Variants in CNBD1 observed in about 807,000 individuals in gnomAD.
The protein encoded by CNBD1 is cyclic nucleotide binding domain containing 1.
In CNBD1, 71 loss-of-function variants were observed where a neutral mutation model predicts 54.4. That is an observed-to-expected ratio of 1.30 (90% CI 1.08 to 1.59). The LOEUF (loss-of-function observed/expected upper bound fraction) is 1.59, where lower values mean the gene tolerates loss of function less well. Ranked by LOEUF, CNBD1 falls within the 40% of genes most tolerant of loss-of-function variation. The pLI is 0.00. For synonymous variants in CNBD1, 182 were observed against 170.7 expected, an observed-to-expected ratio of 1.07 and a Z score of -0.51; for missense variants, 659 against 518.0, an observed-to-expected ratio of 1.27 and a Z score of -2.64.
rs142754582 is a variant in CNBD1, at chr8:87,112,704, A to G, written c.432-93289A>G. Among the ~76,000 whole-genome samples, 44 of 152,314 alleles carry G rather than the reference A, an allele frequency of 2.9e-4. 1 individual carries two copies. Among genetic ancestry groups the G allele is most frequent in the African/African-American group, 8.7e-4 (36 of 41,548 alleles). On this transcript the variant is annotated intron_variant, in intron 4 of 10. Transcript: ENST00000518476. ...ATCTTGTATCATCCATCACAGGTGAACATTTCAGCAATTGTCCTGCTTCAT... is the reference window on the plus strand; with the variant it reads ...ATCTTGTATCATCCATCACAGGTGAGCATTTCAGCAATTGTCCTGCTTCAT...
chr8:86,902,218 TGTAG>T (rs954811092), intron 2 of CNBD1, among the ~76,000 whole-genome samples: 3 of 152,248 alleles, frequency 2.0e-5, no homozygotes, highest in African/African-American at 7.2e-5. Flanking sequence ...CAACCTCCCT[TGTAG>T]TTAGAGAGAC....
At chr8:87,117,274 C>T (rs761877184) in intron 4 of CNBD1, among the ~76,000 whole-genome samples, 8 of 151,700 alleles carry the variant, frequency 5.3e-5, no homozygotes, top group Non-Finnish European at 1.0e-4. Flanking sequence ...TAGCAGGTGC[C>T]TATAATCCCA....
chr8:87,381,044 C>T (rs1334322916), intron 10 of CNBD1, among the ~76,000 whole-genome samples: 1 of 151,982 alleles, frequency 6.6e-6, no homozygotes, highest in Admixed American at 6.6e-5. Flanking sequence ...AGTGAGACCA[C>T]ATCAAACTAG....
chr8:87,052,568 C>T (rs1477234823), intron 4 of CNBD1, among the ~76,000 whole-genome samples: 1 of 152,214 alleles, frequency 6.6e-6, no homozygotes, highest in Non-Finnish European at 1.5e-5. Flanking sequence ...GGTACTGCCT[C>T]ACTCCCTGTT....
rs528600620 is a variant in CNBD1 at position 87,030,958 on chromosome 8, C to G, written c.431+91204C>G. On this transcript the variant is annotated intron_variant, in intron 4 of 10. Coordinates refer to ENST00000518476, the MANE Select transcript of CNBD1 (RefSeq NM_173538.3). ...CCTTCCCCCTCCTCCCCCTCTTCCT[C>G]TCCCCCCTTCTTTCTCCTTCTTTCT... Among the ~76,000 whole-genome samples, 9 of 127,388 alleles carry G rather than the reference C, an allele frequency of 7.1e-5. No individual in the cohort carries two copies. The South Asian group carries it at 2.5e-3, about 36-fold the overall frequency. 83.6% of individuals were successfully genotyped at this position (127,388 alleles called of 152,430 possible). A position where few individuals can be genotyped will look rare whatever the true frequency, so the allele number is the denominator to read the frequency against.
At chr8:87,407,959 A>T (rs931498435) in intron 2 of CNBD1, among the ~76,000 whole-genome samples, 3 of 151,882 alleles carry the variant, frequency 2.0e-5, no homozygotes, top group African/African-American at 7.2e-5. Flanking sequence ...ATTAGATGAG[A>T]TATTCTTAAT....
intron 5 of CNBD1, among the ~76,000 whole-genome samples, chr8:87,223,633 G>A (rs1220682205): frequency 6.6e-6 from 1 of 151,974 alleles, no homozygotes. Flanking sequence ...TCTTAATCCA[G>A]TCTATCATTG....
chr8:86,913,558 C>T (rs1809137249), intron 3 of CNBD1, among the ~76,000 whole-genome samples: 1 of 152,016 alleles, frequency 6.6e-6, no homozygotes, highest in Non-Finnish European at 1.5e-5. Context: ...TTCTGTGATG[C>T]CCCCTGAGCC....
At chr8:86,972,912 T>C (rs918088661) in intron 4 of CNBD1, among the ~76,000 whole-genome samples, 12 of 152,206 alleles carry the variant, frequency 7.9e-5, no homozygotes, top group African/African-American at 2.9e-4. Flanking sequence ...TATTTTCCGT[T>C]GTACTTTCAG....
intron 3 of CNBD1, among the ~76,000 whole-genome samples, chr8:86,910,486 A>G (rs912535390): frequency 6.6e-6 from 1 of 152,182 alleles, no homozygotes; most frequent in African/African-American, 2.4e-5. Flanking sequence ...AGCAAAAGAA[A>G]TGGGGGAGGG....
At chr8:87,298,166 C>CTT (rs34339376) in intron 8 of CNBD1, among the ~76,000 whole-genome samples, 40 of 151,318 alleles carry the variant, frequency 2.6e-4, no homozygotes, top group African/African-American at 9.0e-4. Context: ...AACTACATTG[C>CTT]TTTTTTTTAT....
chr8:86,903,263 T>C (rs1808966612), intron 2 of CNBD1, among the ~76,000 whole-genome samples: 1 of 152,112 alleles, frequency 6.6e-6, no homozygotes, highest in Admixed American at 6.6e-5. Flanking sequence ...ACACATAAAG[T>C]GTATAAGTGT....
chr8:86,954,623 AC>A (rs1807713144), intron 4 of CNBD1, among the ~76,000 whole-genome samples: 1 of 152,192 alleles, frequency 6.6e-6, no homozygotes, highest in South Asian at 2.1e-4. Flanking sequence ...TACTCTCCTT[AC>A]ACACTTTGTA....
intron 8 of CNBD1, among the ~76,000 whole-genome samples, chr8:87,301,191 G>C (rs1808981126): frequency 6.6e-6 from 1 of 152,058 alleles, no homozygotes. Context: ...CAAGCAGCAA[G>C]ATTGAAATGG....
intron 2 of CNBD1, among the ~76,000 whole-genome samples, chr8:87,388,001 G>A (rs571485679): frequency 1.8e-4 from 28 of 152,288 alleles, no homozygotes; most frequent in Admixed American, 1.4e-3. Context: ...GCTCCTGAAT[G>A]ACTACTGGGT....
In CNBD1 at chr8:87,405,106, C is replaced by T. The variant is rs76677036; in HGVS notation, c.214-23440C>T. Among the ~76,000 whole-genome samples the T allele has an allele frequency of 9.8e-3, 1,496 of 151,908 alleles. 21 individuals carry two copies. The highest frequency in any genetic ancestry group is 0.033 in the African/African-American group (1,362 of 41,458). ...TTGGAAAGAAAATAAGTGATTCTGTCGAAAGTTGTACTTGCAGGACTTAAT... is the reference window on the plus strand; with the variant it reads ...TTGGAAAGAAAATAAGTGATTCTGTTGAAAGTTGTACTTGCAGGACTTAAT... On this transcript the variant is annotated intron_variant, in intron 2 of 7. Transcript: ENST00000521593.
intron 1 of CNBD1, among the ~76,000 whole-genome samples, chr8:86,886,137 C>T (rs1048285014): frequency 6.6e-6 from 1 of 152,104 alleles, no homozygotes; most frequent in African/African-American, 2.4e-5. Flanking sequence ...AGAGCTATTA[C>T]TGACACTCTT....
chr8:86,994,653 C>T (rs1274691818), intron 4 of CNBD1, among the ~76,000 whole-genome samples: 4 of 152,158 alleles, frequency 2.6e-5, no homozygotes, highest in African/African-American at 7.2e-5. Context: ...TTCCCAGAAT[C>T]CATTCAGGGC....
chr8:87,382,896 G>T (rs192128189), downstream of CNBD1: 29 of 334,620 alleles, frequency 8.7e-5, no homozygotes, highest in Non-Finnish European at 1.4e-4. Flanking sequence ...CAAGTGTTTC[G>T]GTATACATGT....
Sources: allele counts gnomAD v4.1 joint callset (sites outside exome capture counted in the v4.1 genomes callset), GRCh38; gene constraint gnomAD v4.1.1; transcripts MANE v1.5; gene names NCBI Gene and HGNC (gene_info 2026-07-23, HGNC 2026-07-21).